Variants in B4GALT2 observed in about 807,000 individuals in gnomAD.
B4GALT2 encodes the protein beta-1,4-galactosyltransferase 2.
In B4GALT2, 18 loss-of-function variants were observed where a neutral mutation model predicts 33.2. The observed-to-expected ratio is 0.54, with a 90% confidence interval of 0.38 to 0.80. The LOEUF (loss-of-function observed/expected upper bound fraction) is 0.80, where lower values mean the gene tolerates loss of function less well. Ranked by LOEUF, B4GALT2 falls within the 30% of genes least tolerant of loss-of-function variation. The probability of loss-of-function intolerance (pLI) is 0.00; values close to 1 mark genes in which losing one functional copy is unlikely to be tolerated. For synonymous variants in B4GALT2, 214 were observed against 217.6 expected, an observed-to-expected ratio of 0.98 and a Z score of 0.15; for missense variants, 404 against 526.2, an observed-to-expected ratio of 0.77 and a Z score of 2.27.
At chr1:43,987,172 C>A (rs1361966566) in intron 6 of B4GALT2, among the ~76,000 whole-genome samples, 1 of 152,136 alleles carries the variant, frequency 6.6e-6, no homozygotes, top group Non-Finnish European at 1.5e-5. Flanking sequence ...ACGCCAGGAG[C>A]CTTGGTCCTG....
At chr1:43,980,095 T>TGTA (rs773049248) in intron 1 of B4GALT2, 2 of 1,439,276 alleles carry the variant, frequency 1.4e-6, no homozygotes, top group South Asian at 2.8e-5. Flanking sequence ...TGTCTGTGAC[T>TGTA]GTAGTTCTCT....
At position 43,981,792 on chromosome 1, in the gene B4GALT2, C is replaced by T. The variant is rs1472623979; in HGVS notation, c.417C>T (p.Cys139=). The part of the protein sequence containing the change: ...LMGGRYTPPD[C]TPAQTVAVII... ...GCGGCCGATACACACCGCCCGACTG[C>T]ACCCCAGCCCAGACGGTGGCGGTCA... is the stretch of plus-strand genomic sequence containing the variant. The change falls in exon 3 of 7, where the codon TGC becomes TGT. Residue 139 remains cysteine, a synonymous_variant. Transcript: ENST00000372324. This position sits in a 1 kb window ranked among gnomAD's most constrained non-coding sequence, Gnocchi z 8.1. 6.2e-7 allele frequency: 1 copy of T among 1,613,786 alleles called. No homozygotes were observed. Among genetic ancestry groups the T allele is most frequent in the Non-Finnish European group, 8.5e-7 (1 of 1,180,026 alleles).
Position 43,982,020 on chromosome 1 carries a change from C to A in B4GALT2, c.549+96C>A. 1 of 1,269,706 alleles carries A rather than the reference C, an allele frequency of 7.9e-7. No homozygotes were observed. The highest frequency in any genetic ancestry group is 1.1e-6 in the Non-Finnish European group (1 of 902,206). The allele number at this position is 1,269,706 out of a possible 1,614,324, so 78.7% of individuals were successfully genotyped here. ...TGCCCGTGTGGATATGTGGATGGAC[C>A]TGGGCGTGGGTAGTCGGTGTTTGTC... On this transcript the variant is annotated intron_variant, in intron 3 of 6. Coordinates refer to ENST00000372324, the MANE Select transcript of B4GALT2 (RefSeq NM_003780.5). The surrounding 1 kb of genome is among the most constrained non-coding windows in gnomAD (Gnocchi z 4.3).
Position 43,990,885 on chromosome 1 carries a change from C to T in B4GALT2, c.*437C>T, listed in dbSNP as rs1319520274. ...GGAATTCTCAGCTCTTGGGAACCCC[C>T]TTGCTCCCAGGGGAGGGGAAACCTT... is the stretch of plus-strand genomic sequence containing the variant. On this transcript the variant is annotated 3_prime_UTR_variant, in exon 7 of 7. Coordinates refer to ENST00000372324, the MANE Select transcript of B4GALT2 (RefSeq NM_003780.5). 4 of 181,324 alleles carry T rather than the reference C, an allele frequency of 2.2e-5. No homozygotes were observed. The highest frequency in any genetic ancestry group is 2.9e-4 in the East Asian group (2 of 6,888). 11.2% of individuals were successfully genotyped at this position (181,324 alleles called of 1,614,324 possible).
Position 43,984,798 on chromosome 1 carries a change from G to T in B4GALT2, c.550-67G>T. 6.6e-7 allele frequency: 1 copy of T among 1,525,674 alleles called. No individual in the cohort carries two copies. Among genetic ancestry groups the T allele is most frequent in the Non-Finnish European group, 9.0e-7 (1 of 1,115,540 alleles). 94.5% of individuals were successfully genotyped at this position (1,525,674 alleles called of 1,614,324 possible). On this transcript the variant is annotated intron_variant, in intron 3 of 6. Transcript: ENST00000372324. This position sits in a 1 kb window ranked among gnomAD's most constrained non-coding sequence, Gnocchi z 5.6. ...GTAGATCCCCAGAGACTGCTCTGGA[G>T]AGTGGCAAAAGGGCAGGTGCTTGTT...
Position 43,981,093 on chromosome 1 carries a change from C to T in B4GALT2, c.-52-16C>T, listed in dbSNP as rs1166737771. 8 of 1,552,194 alleles carry T rather than the reference C, an allele frequency of 5.2e-6. No individual in the cohort carries two copies. Among genetic ancestry groups the T allele is most frequent in the Non-Finnish European group, 6.9e-6 (8 of 1,154,394 alleles). ...GCCCTGACCTGCTGGATCTGTTTCC[C>T]TCCCACCCTGCTCAGGCCAGCAGCC... On this transcript the variant is annotated splice_polypyrimidine_tract_variant and intron_variant, in intron 1 of 6. Transcript: ENST00000372324. This position sits in a 1 kb window ranked among gnomAD's most constrained non-coding sequence, Gnocchi z 8.1.
intron 6 of B4GALT2, chr1:43,986,234 G>T (rs2085658170): frequency 6.5e-6 from 1 of 152,888 alleles, no homozygotes. Flanking sequence ...CTTTCTGGGG[G>T]TGGGAGACCC....
At chr1:43,989,538 T>G (rs2085699116) in intron 6 of B4GALT2, among the ~76,000 whole-genome samples, 1 of 152,136 alleles carries the variant, frequency 6.6e-6, no homozygotes, top group Non-Finnish European at 1.5e-5. Flanking sequence ...CTATGAATAT[T>G]TACGGAGGGG....
At position 43,981,903 on chromosome 1, in the gene B4GALT2, C is replaced by T. The variant is rs754669905; in HGVS notation, c.528C>T (p.Tyr176=). Residue 176 remains tyrosine (Y), a synonymous_variant, in exon 3 of 7, where the codon TAC becomes TAT. Transcript: ENST00000372324. This position sits in a 1 kb window ranked among gnomAD's most constrained non-coding sequence, Gnocchi z 8.1. ...HPILRRQRLR[Y]GVYVINQHGE... ...TCTTGAGGCGGCAGCGGCTGCGCTA[C>T]GGCGTCTATGTCATCAACCAGGTGC... 1.9e-5 allele frequency: 31 copies of T among 1,613,694 alleles called. No individual in the cohort carries two copies. The South Asian group carries it at 2.3e-4, about 12-fold the overall frequency.
Position 43,990,563 on chromosome 1 carries a change from C to G in B4GALT2, c.*115C>G. 7.0e-7 allele frequency: 1 copy of G among 1,434,728 alleles called. No individual in the cohort carries two copies. Among genetic ancestry groups the G allele is most frequent in the Non-Finnish European group, 9.5e-7 (1 of 1,049,338 alleles). 88.9% of individuals were successfully genotyped at this position (1,434,728 alleles called of 1,614,324 possible). A position where few individuals can be genotyped will look rare whatever the true frequency, so the allele number is the denominator to read the frequency against. On this transcript the variant is annotated 3_prime_UTR_variant, in exon 7 of 7. Transcript: ENST00000372324. The stretch of plus-strand genomic sequence containing the variant: ...AGGACTGAGACTGGGCTCTGTTTTC[C>G]AAGGGTCTTCACTAGGCCCCCTAGC...
rs370917654 is a variant in B4GALT2 at position 43,985,252 on chromosome 1, C to G, written c.741-26C>G. 14 of 1,600,710 alleles carry G rather than the reference C, an allele frequency of 8.7e-6. No individual in the cohort carries two copies. In the African/African-American group the frequency reaches 1.9e-4, roughly 21 times the overall value. ...CCCTGGAGTCCCCTTGGGACCCTTA[C>G]TGACACCTGCCTTCCCATGCCACAG... On this transcript the variant is annotated intron_variant, in intron 4 of 6. Transcript: ENST00000372324.
Position 43,990,747 on chromosome 1 carries a change from G to C in B4GALT2, c.*299G>C, listed in dbSNP as rs1054845689. The C allele has an allele frequency of 4.7e-6, 2 of 428,326 alleles. No homozygotes were observed. The highest frequency in any genetic ancestry group is 4.6e-5 in the East Asian group (1 of 21,676). 26.5% of individuals were successfully genotyped at this position (428,326 alleles called of 1,614,324 possible). A position where few individuals can be genotyped will look rare whatever the true frequency, so the allele number is the denominator to read the frequency against. ...GGGCCAGCCCCTGCACTGCCTCGCA[G>C]AGTGGCCTGGGCTAGGTCACTCCAC... On this transcript the variant is annotated 3_prime_UTR_variant, in exon 7 of 7. Coordinates refer to ENST00000372324, the MANE Select transcript of B4GALT2 (RefSeq NM_003780.5).
intron 6 of B4GALT2, among the ~76,000 whole-genome samples, chr1:43,989,802 G>A (rs981403910): frequency 2.0e-5 from 3 of 152,102 alleles, no homozygotes; most frequent in Non-Finnish European, 4.4e-5. Context: ...GGGGCGTAGG[G>A]GTCAGCATCT....
In B4GALT2 at chr1:43,981,322, C is replaced by A. The variant is rs754260512; in HGVS notation, c.162C>A (p.Leu54=). 2 of 1,602,848 alleles carry A rather than the reference C, an allele frequency of 1.2e-6. No individual in the cohort carries two copies. Among genetic ancestry groups the A allele is most frequent in the South Asian group, 2.2e-5 (2 of 91,084 alleles). The part of the protein sequence containing the change: ...RFSARGPAHA[L]HPAASSSSSS... ...GTGCCCGAGGCCCTGCCCATGCCCT[C>A]CACCCAGCTGCTAGCAGCAGCAGCA... The change falls in exon 2 of 7, where the codon CTC becomes CTA. Residue 54 remains leucine, a synonymous_variant. Transcript: ENST00000372324. The surrounding 1 kb of genome is among the most constrained non-coding windows in gnomAD (Gnocchi z 8.1).
Position 43,984,779 on chromosome 1 carries a change from C to A in B4GALT2, c.550-86C>A. On this transcript the variant is annotated intron_variant, in intron 3 of 6. Transcript: ENST00000372324. The surrounding 1 kb of genome is among the most constrained non-coding windows in gnomAD (Gnocchi z 5.6). Reference sequence around the variant, plus strand: ...CCATGCAGCGAGGGGGCTGGTAGATCCCCAGAGACTGCTCTGGAGAGTGGC... The same window carrying A: ...CCATGCAGCGAGGGGGCTGGTAGATACCCAGAGACTGCTCTGGAGAGTGGC... 1.4e-6 allele frequency: 2 copies of A among 1,391,848 alleles called. No homozygotes were observed. Among genetic ancestry groups the A allele is most frequent in the South Asian group, 2.6e-5 (2 of 76,712 alleles). The allele number at this position is 1,391,848 out of a possible 1,614,324, so 86.2% of individuals were successfully genotyped here. A position where few individuals can be genotyped will look rare whatever the true frequency, so the allele number is the denominator to read the frequency against.
At chr1:43,983,351 G>A (rs2085621674) in intron 3 of B4GALT2, among the ~76,000 whole-genome samples, 1 of 152,226 alleles carries the variant, frequency 6.6e-6, no homozygotes, top group Admixed American at 6.5e-5. Context: ...TACAGAGGCC[G>A]AGAGGCTTGG....
chr1:43,984,879 C>T lies in B4GALT2; in HGVS notation c.564C>T (p.Thr188=), dbSNP rs1175043099. The T allele has an allele frequency of 1.2e-5, 20 of 1,613,750 alleles. No individual in the cohort carries two copies. Among genetic ancestry groups the T allele is most frequent in the Non-Finnish European group, 1.7e-5 (20 of 1,179,960 alleles). The part of the protein sequence containing the change: ...VYVINQHGED[T]FNRAKLLNVG... Reference sequence around the variant, plus strand: ...CCCCTACCCAGCATGGTGAGGACACCTTCAACCGGGCCAAGCTGCTTAACG... The same window carrying T: ...CCCCTACCCAGCATGGTGAGGACACTTTCAACCGGGCCAAGCTGCTTAACG... Residue 188 remains threonine, a synonymous_variant, in exon 4 of 7, where the codon ACC becomes ACT. Transcript: ENST00000372324. This position sits in a 1 kb window ranked among gnomAD's most constrained non-coding sequence, Gnocchi z 5.6.
In B4GALT2 at chr1:43,982,622, G is replaced by T. The variant is rs1028472500; in HGVS notation, c.549+698G>T. Reference sequence around the variant, plus strand: ...AGGATGCAGGGCCAGCAAGATAACTGGCCTCGTGTTCACGAACTATTGGCT... The same window carrying T: ...AGGATGCAGGGCCAGCAAGATAACTTGCCTCGTGTTCACGAACTATTGGCT... On this transcript the variant is annotated intron_variant, in intron 3 of 6. Coordinates refer to ENST00000372324, the MANE Select transcript of B4GALT2 (RefSeq NM_003780.5). The surrounding 1 kb of genome is among the most constrained non-coding windows in gnomAD (Gnocchi z 4.3). Among the ~76,000 whole-genome samples the T allele has an allele frequency of 6.6e-6, 1 of 152,236 alleles. No individual in the cohort carries two copies. Among genetic ancestry groups the T allele is most frequent in the Non-Finnish European group, 1.5e-5 (1 of 68,048 alleles).
At chr1:43,985,807 A>C in intron 6 of B4GALT2, 186 bp downstream of exon 6, 1 of 617,646 alleles carries the variant, frequency 1.6e-6, no homozygotes, top group Non-Finnish European at 2.9e-6. Context: ...GACTGCTGGC[A>C]CCCCTGATCG....
Sources: gnomAD v4.1 joint callset for allele counts (sites outside exome capture counted in the v4.1 genomes callset) on GRCh38, gnomAD v4.1.1 for gene constraint, Gnocchi (gnomAD v3.1) non-coding constraint, MANE v1.5 for transcripts, NCBI Gene and HGNC (gene_info 2026-07-23, HGNC 2026-07-21) for gene names.